F13A1: variants seen among roughly 807,000 people sequenced by gnomAD.
The protein encoded by F13A1 is coagulation factor XIII A chain, also known as FSF, A subunit.
A neutral mutation model predicts 80.1 loss-of-function variants in F13A1; 47 were observed. The ratio of observed to expected loss-of-function variants is 0.59; its 90% CI spans 0.46 to 0.75. The LOEUF (loss-of-function observed/expected upper bound fraction) is 0.75, where lower values mean the gene tolerates loss of function less well. F13A1 is among the 30% of genes least tolerant of loss of function. The pLI is 0.00. For missense variants in F13A1, 817 were observed against 930.4 expected, an observed-to-expected ratio of 0.88 and a Z score of 1.59; for synonymous variants, 349 against 344.9, an observed-to-expected ratio of 1.01 and a Z score of -0.13.
At chr6:6,197,714 G>T (rs1761316763) in intron 8 of F13A1, among the ~76,000 whole-genome samples, 1 of 151,612 alleles carries the variant, frequency 6.6e-6, no homozygotes, top group Non-Finnish European at 1.5e-5. Context: ...CTGTGCATAT[G>T]CTATCTACAG....
At chr6:6,211,666 G>A (rs563313755) in intron 8 of F13A1, among the ~76,000 whole-genome samples, 51 of 152,134 alleles carry the variant, frequency 3.4e-4, no homozygotes, top group Non-Finnish European at 2.9e-4. Context: ...CAATAATTAG[G>A]GGGAGGAGCC....
intron 8 of F13A1, among the ~76,000 whole-genome samples, chr6:6,208,635 G>C (rs539526723): frequency 1.3e-5 from 2 of 152,194 alleles, no homozygotes; most frequent in East Asian, 3.9e-4. Context: ...AAGACAAATA[G>C]AGAATCTCTT....
chr6:6,289,249 G>A (rs1583112710), intron 3 of F13A1, among the ~76,000 whole-genome samples: 1 of 151,996 alleles, frequency 6.6e-6, no homozygotes, highest in East Asian at 1.9e-4. Flanking sequence ...ACTGGGCACT[G>A]CCTTGAGTCC....
chr6:6,230,631 CAACCAGCACAAAA>C (rs1757338041), intron 6 of F13A1, among the ~76,000 whole-genome samples: 1 of 152,176 alleles, frequency 6.6e-6, no homozygotes, highest in Admixed American at 6.5e-5. Context: ...GGCAGGGAGC[CAACCAGCACAAAA>C]ATAGAGCATT....
chr6:6,319,518 C>T (rs528860937), intron 1 of F13A1, among the ~76,000 whole-genome samples: 5 of 152,334 alleles, frequency 3.3e-5, no homozygotes, highest in Non-Finnish European at 7.3e-5. Context: ...ACAACACACA[C>T]CTGACGGTCA....
chr6:6,314,400 G>A (rs112910641), intron 2 of F13A1, among the ~76,000 whole-genome samples: 76 of 152,260 alleles, frequency 5.0e-4, no homozygotes, highest in African/African-American at 1.8e-3. Flanking sequence ...ATGGTGTGAT[G>A]CCTGCCATCT....
chr6:6,244,719 C>T (rs1001758888), intron 6 of F13A1, among the ~76,000 whole-genome samples: 1 of 152,122 alleles, frequency 6.6e-6, no homozygotes, highest in Non-Finnish European at 1.5e-5. Context: ...AGTACAGAGA[C>T]AAAATTTCAC....
Position 6,203,792 on chromosome 6 carries a change from C to G in F13A1, c.1113-6466G>C, listed in dbSNP as rs980609195. Among the ~76,000 whole-genome samples the G allele has an allele frequency of 2.6e-5, 4 of 152,124 alleles. No homozygotes were observed. The East Asian group carries it at 7.7e-4, about 29-fold the overall frequency. On this transcript the variant is annotated intron_variant, in intron 8 of 14. Transcript: ENST00000264870. ...GTATGCAGCATTAAAAACATGCATACGACACACAAAGAGACATATTACAGA... is the reference window on the plus strand; with the variant it reads ...GTATGCAGCATTAAAAACATGCATAGGACACACAAAGAGACATATTACAGA...
intron 13 of F13A1, among the ~76,000 whole-genome samples, chr6:6,152,410 C>A (rs1437836438): frequency 6.6e-6 from 1 of 152,142 alleles, no homozygotes; most frequent in Non-Finnish European, 1.5e-5. Context: ...AAGAAATATG[C>A]CAAGGATGGA....
At chr6:6,146,199 C>T (rs1760276493) in intron 14 of F13A1, among the ~76,000 whole-genome samples, 1 of 152,202 alleles carries the variant, frequency 6.6e-6, no homozygotes, top group Admixed American at 6.5e-5. Flanking sequence ...CCCCCAGCTG[C>T]CTTTGCTGAG....
intron 8 of F13A1, among the ~76,000 whole-genome samples, chr6:6,205,534 T>TGAGA (rs1176897195): frequency 6.6e-6 from 1 of 152,230 alleles, no homozygotes; most frequent in African/African-American, 2.4e-5. Flanking sequence ...TCCTTAGTCC[T>TGAGA]GAGAGTACAG....
At chr6:6,267,125 T>C (rs1054881889) in intron 3 of F13A1, among the ~76,000 whole-genome samples, 1 of 152,210 alleles carries the variant, frequency 6.6e-6, no homozygotes, top group African/African-American at 2.4e-5. Flanking sequence ...TTGGTAGGCA[T>C]ATTGTCAGAG....
intron 13 of F13A1, among the ~76,000 whole-genome samples, chr6:6,163,487 G>A (rs909012963): frequency 6.6e-5 from 10 of 151,916 alleles, no homozygotes; most frequent in Non-Finnish European, 1.0e-4. Flanking sequence ...CTCCTCCCAC[G>A]CCGCACCCTG....
chr6:6,216,577 G>C (rs1031656506), intron 8 of F13A1, among the ~76,000 whole-genome samples: 1 of 149,668 alleles, frequency 6.7e-6, no homozygotes, highest in Non-Finnish European at 1.5e-5. Flanking sequence ...AAAAACCCTA[G>C]AAGAAAACCT....
Position 6,210,325 on chromosome 6 carries a change from A to ATT in F13A1, c.1112+11707_1112+11708insAA, listed in dbSNP as rs1491258083. Among the ~76,000 whole-genome samples the ATT allele has an allele frequency of 3.2e-4, 20 of 62,596 alleles. 1 individual carries two copies. Among genetic ancestry groups the ATT allele is most frequent in the African/African-American group, 1.8e-3 (18 of 9,928 alleles). 41.1% of individuals were successfully genotyped at this position (62,596 alleles called of 152,430 possible). ...AATTTTGTAAATTTTGTAGCATGTGATATATATATATATATATATATATTT... is the reference window on the plus strand; with the variant it reads ...AATTTTGTAAATTTTGTAGCATGTGATTTATATATATATATATATATATATTT... On this transcript the variant is annotated intron_variant, in intron 8 of 14. Coordinates refer to ENST00000264870, the MANE Select transcript of F13A1 (RefSeq NM_000129.4).
Position 6,210,694 on chromosome 6 carries a change from G to A in F13A1, c.1112+11339C>T, listed in dbSNP as rs149490676. Among the ~76,000 whole-genome samples the A allele has an allele frequency of 1.2e-3, 179 of 149,848 alleles. 3 individuals are homozygous for A. Among genetic ancestry groups the A allele is most frequent in the Middle Eastern group, 3.6e-3 (1 of 274 alleles). ...CAGGTGTGAGCCACCTCACCAGGCC[G>A]TGAAGCATATTTTAATAAGGATGTT... On this transcript the variant is annotated intron_variant, in intron 8 of 14. Coordinates refer to ENST00000264870, the MANE Select transcript of F13A1 (RefSeq NM_000129.4).
At chr6:6,179,002 C>T (rs567974232) in intron 11 of F13A1, among the ~76,000 whole-genome samples, 6 of 152,166 alleles carry the variant, frequency 3.9e-5, no homozygotes, top group African/African-American at 1.2e-4. Context: ...CACAGCAGGA[C>T]GCAAGTCCAG....
At chr6:6,247,079 T>G (rs1757563255) in intron 6 of F13A1, among the ~76,000 whole-genome samples, 1 of 152,214 alleles carries the variant, frequency 6.6e-6, no homozygotes, top group Non-Finnish European at 1.5e-5. Context: ...TTATGGAATG[T>G]AAATGCATAG....
At chr6:6,264,687 A>T (rs1383528321) in intron 4 of F13A1, among the ~76,000 whole-genome samples, 2 of 152,258 alleles carry the variant, frequency 1.3e-5, no homozygotes, top group East Asian at 1.9e-4. Context: ...ACATATTCAA[A>T]ATCTTAATTT....
Sources: gnomAD v4.1 joint callset for allele counts (sites outside exome capture counted in the v4.1 genomes callset) on GRCh38, gnomAD v4.1.1 for gene constraint, MANE v1.5 for transcripts, NCBI Gene and HGNC (gene_info 2026-07-23, HGNC 2026-07-21) for gene names.